SIN3A: variants seen among roughly 807,000 people sequenced by gnomAD.
SIN3A encodes SIN3 transcription regulator family member A, also known as paired amphipathic helix protein Sin3a.
In SIN3A, 14 loss-of-function variants were observed where a neutral mutation model predicts 146.1. That is an observed-to-expected ratio of 0.10 (90% CI 0.06 to 0.15). The LOEUF is 0.15. SIN3A is among the 10% of genes least tolerant of loss of function. The probability of loss-of-function intolerance (pLI) is 1.00; values close to 1 mark genes in which losing one functional copy is unlikely to be tolerated. For missense variants in SIN3A, 1,028 were observed against 1,576.0 expected (o/e 0.65, Z 5.89); for synonymous variants, 572 against 572.0 (o/e 1.00, Z 0.00).
At chr15:75,427,827 C>T (rs188232020) in intron 2 of SIN3A, among the ~76,000 whole-genome samples, 4 of 150,354 alleles carry the variant, frequency 2.7e-5, no homozygotes, top group African/African-American at 7.3e-5. Context: ...AAAAATTAGC[C>T]AGGCATGGCA....
At chr15:75,431,882 A>G (rs2074019254) in intron 1 of SIN3A, among the ~76,000 whole-genome samples, 1 of 152,146 alleles carries the variant, frequency 6.6e-6, no homozygotes, top group Non-Finnish European at 1.5e-5. Context: ...TGGGACCCTG[A>G]CACAGCAGCA....
chr15:75,404,036 T>C (rs1335848887), intron 9 of SIN3A, among the ~76,000 whole-genome samples: 1 of 152,210 alleles, frequency 6.6e-6, no homozygotes, highest in Non-Finnish European at 1.5e-5. Flanking sequence ...AAAGTAAAAC[T>C]AGTCTAGCTA....
At chr15:75,372,834 A>C (rs955519934) in intron 20 of SIN3A, among the ~76,000 whole-genome samples, 9 of 151,430 alleles carry the variant, frequency 5.9e-5, no homozygotes, top group East Asian at 1.9e-4. Context: ...AAAAAAAAAA[A>C]AAAAAACCCA....
intron 12 of SIN3A, among the ~76,000 whole-genome samples, chr15:75,398,410 T>G (rs1424177091): frequency 6.6e-6 from 1 of 152,152 alleles, no homozygotes; most frequent in Non-Finnish European, 1.5e-5. Flanking sequence ...GCGCAGTGGC[T>G]CACACTTGTA....
intron 16 of SIN3A, among the ~76,000 whole-genome samples, chr15:75,389,375 C>G (rs1400379998): frequency 2.6e-5 from 4 of 151,762 alleles, no homozygotes; most frequent in African/African-American, 9.7e-5. Context: ...CCATGGCAGA[C>G]AAGGTAAGAG....
At chr15:75,452,456 G>A (rs565615396), upstream of SIN3A, among the ~76,000 whole-genome samples, 53 of 152,246 alleles carry the variant, frequency 3.5e-4, no homozygotes, top group African/African-American at 1.2e-3. Context: ...GAGAGAATGA[G>A]AACTCATCCT....
intron 3 of SIN3A, chr15:75,422,324 G>A (rs1474593287): frequency 3.4e-6 from 2 of 590,010 alleles, no homozygotes; most frequent in African/African-American, 1.9e-5. Flanking sequence ...TCATATATGT[G>A]CTCAATAGAG....
At chr15:75,387,057 T>C (rs781215222) in intron 16 of SIN3A, among the ~76,000 whole-genome samples, 4 of 152,166 alleles carry the variant, frequency 2.6e-5, no homozygotes, top group Non-Finnish European at 4.4e-5. Flanking sequence ...TCTGCCCGCC[T>C]TGGACTCCCA....
chr15:75,398,501 C>T (rs539518824), intron 12 of SIN3A, among the ~76,000 whole-genome samples: 71 of 151,776 alleles, frequency 4.7e-4, no homozygotes, highest in Admixed American at 7.9e-4. Flanking sequence ...CATGGTGAAA[C>T]CCATCTCCAC....
At chr15:75,429,934 A>C (rs2073986961) in intron 2 of SIN3A, 2 of 325,508 alleles carry the variant, frequency 6.1e-6, no homozygotes, top group Non-Finnish European at 1.1e-5. Flanking sequence ...ATAAATACAA[A>C]GTTTAGATCA....
chr15:75,412,728 C>T (rs1255830420), intron 5 of SIN3A, 35 bp downstream of exon 5: 4 of 1,523,012 alleles, frequency 2.6e-6, no homozygotes. Flanking sequence ...TCTAGGGATG[C>T]ATTCATATTG....
intron 1 of SIN3A, among the ~76,000 whole-genome samples, chr15:75,433,808 C>A (rs557860845): frequency 6.6e-6 from 1 of 152,154 alleles, no homozygotes; most frequent in Admixed American, 6.5e-5. Flanking sequence ...GACTCCATCT[C>A]AAAAACAACA....
intron 1 of SIN3A, among the ~76,000 whole-genome samples, chr15:75,439,207 A>G (rs1195485548): frequency 6.6e-6 from 1 of 152,190 alleles, no homozygotes; most frequent in African/African-American, 2.4e-5. Flanking sequence ...TATCTCACAG[A>G]TAGAGTAAAA....
At chr15:75,407,972 G>A (rs1410955980) in intron 8 of SIN3A, among the ~76,000 whole-genome samples, 1 of 149,622 alleles carries the variant, frequency 6.7e-6, no homozygotes, top group Non-Finnish European at 1.5e-5. Context: ...TCTTCTAAAG[G>A]GAACCAACAG....
chr15:75,408,039 C>T (rs763974523), intron 8 of SIN3A, among the ~76,000 whole-genome samples: 8 of 151,850 alleles, frequency 5.3e-5, no homozygotes, highest in Non-Finnish European at 7.4e-5. Flanking sequence ...CACTTACTCT[C>T]TATGAAGAAA....
Position 75,406,989 on chromosome 15 carries a change from G to A in SIN3A, c.1407+66C>T, listed in dbSNP as rs908613914. ...GACACCTTTAAAACGAAACCTTCCAGGGGGATAAGATGATTTTCTTTTGGC... is the reference window on the plus strand; with the variant it reads ...GACACCTTTAAAACGAAACCTTCCAAGGGGATAAGATGATTTTCTTTTGGC... On this transcript the variant is annotated intron_variant, in intron 9 of 20. Coordinates refer to ENST00000394947, the MANE Select transcript of SIN3A (RefSeq NM_001145358.2). The A allele has an allele frequency of 6.8e-6, 8 of 1,168,704 alleles. No individual in the cohort carries two copies. In the East Asian group the frequency reaches 1.7e-4, roughly 24 times the overall value. The allele number at this position is 1,168,704 out of a possible 1,614,324, so 72.4% of individuals were successfully genotyped here. A position where few individuals can be genotyped will look rare whatever the true frequency, so the allele number is the denominator to read the frequency against.
intron 9 of SIN3A, among the ~76,000 whole-genome samples, chr15:75,405,701 A>G (rs992146637): frequency 6.6e-6 from 1 of 152,186 alleles, no homozygotes. Flanking sequence ...CAGTGAGCCA[A>G]GATTGCGCCA....
chr15:75,383,447 A>T (rs539706695), intron 17 of SIN3A, among the ~76,000 whole-genome samples: 4 of 151,926 alleles, frequency 2.6e-5, no homozygotes, highest in Non-Finnish European at 4.4e-5. Flanking sequence ...TTTTTGGGAC[A>T]GAGTCTTGCT....
chr15:75,429,119 G>T (rs897666639), intron 2 of SIN3A, among the ~76,000 whole-genome samples: 1 of 152,120 alleles, frequency 6.6e-6, no homozygotes, highest in Non-Finnish European at 1.5e-5. Context: ...AGTTTTAGGG[G>T]AGTCAAAAAT....
Sources: gnomAD v4.1 joint callset for allele counts (sites outside exome capture counted in the v4.1 genomes callset) on GRCh38, gnomAD v4.1.1 for gene constraint, MANE v1.5 for transcripts, NCBI Gene and HGNC (gene_info 2026-07-23, HGNC 2026-07-21) for gene names.